Variants in FAT3 observed in about 807,000 individuals in gnomAD.
FAT3 encodes the protein FAT atypical cadherin 3.
A neutral mutation model predicts 310.2 loss-of-function variants in FAT3; 95 were observed. The observed-to-expected ratio is 0.31, with a 90% CI of 0.26 to 0.36. The LOEUF (loss-of-function observed/expected upper bound fraction) is 0.36. FAT3 is among the 10% of genes least tolerant of loss of function. The pLI is 1.00. For synonymous variants in FAT3, 2,314 were observed against 2,192.9 expected (o/e 1.06, Z -1.54); for missense variants, 5,408 against 5,715.6 (o/e 0.95, Z 1.74).
intron 2 of FAT3, among the ~76,000 whole-genome samples, chr11:92,426,643 C>T (rs1950640692): frequency 6.6e-6 from 1 of 152,146 alleles, no homozygotes; most frequent in Admixed American, 6.5e-5. Context: ...ATCCTTTCCC[C>T]ATTGCTTGTT....
chr11:92,249,211 C>T (rs1006628232), intron 1 of FAT3, among the ~76,000 whole-genome samples: 2 of 152,066 alleles, frequency 1.3e-5, no homozygotes, highest in Non-Finnish European at 2.9e-5. Context: ...TGGAAACAGA[C>T]GTCATTACCT....
chr11:92,858,586 T>C (rs959653129), intron 20 of FAT3, among the ~76,000 whole-genome samples: 2 of 152,208 alleles, frequency 1.3e-5, no homozygotes, highest in African/African-American at 4.8e-5. Flanking sequence ...GCAATCGAGT[T>C]GGACAAAATT....
chr11:92,684,996 C>A (rs924948144), intron 3 of FAT3, among the ~76,000 whole-genome samples: 34 of 152,156 alleles, frequency 2.2e-4, no homozygotes, highest in Admixed American at 2.2e-3. Context: ...TCCTACAGGG[C>A]GCTTTGTCTT....
Position 92,651,288 on chromosome 11 carries a change from C to T in FAT3, c.3608-46096C>T, listed in dbSNP as rs567676585. On this transcript the variant is annotated intron_variant, in intron 3 of 27. Coordinates refer to ENST00000525166, the MANE Select transcript of FAT3 (RefSeq NM_001367949.2). ...AGAAGACAGGAATGTGTGCAGGTAA[C>T]GTGGAATTGTGAAGATGGCTGGGCT... Among the ~76,000 whole-genome samples the T allele has an allele frequency of 4.5e-4, 68 of 152,288 alleles. 1 individual carries two copies. In the Middle Eastern group the frequency reaches 0.01, roughly 23 times the overall value.
chr11:92,793,784 C>A (rs1360482509), intron 9 of FAT3, among the ~76,000 whole-genome samples: 2 of 152,064 alleles, frequency 1.3e-5, no homozygotes. Context: ...TGAATAATGC[C>A]AAATGCAATA....
chr11:92,498,256 GT>G, intron 2 of FAT3: 1 of 214,970 alleles, frequency 4.7e-6, no homozygotes, highest in Non-Finnish European at 9.9e-6. Context: ...AGCTCCATGA[GT>G]TTTCCCAATT....
At chr11:92,256,001 C>G (rs1865301280) in intron 1 of FAT3, among the ~76,000 whole-genome samples, 1 of 152,152 alleles carries the variant, frequency 6.6e-6, no homozygotes, top group Non-Finnish European at 1.5e-5. Flanking sequence ...GAGTGTTGCA[C>G]TCTGCTGTAA....
intron 1 of FAT3, among the ~76,000 whole-genome samples, chr11:92,321,570 A>G (rs139934910): frequency 6.6e-6 from 1 of 152,184 alleles, no homozygotes; most frequent in Non-Finnish European, 1.5e-5. Flanking sequence ...CTGAAAACAG[A>G]TCACTTTCCT....
At chr11:92,656,888 T>G (rs1483872255) in intron 3 of FAT3, among the ~76,000 whole-genome samples, 1 of 152,174 alleles carries the variant, frequency 6.6e-6, no homozygotes, top group Non-Finnish European at 1.5e-5. Context: ...CTTTACCACT[T>G]TCTCCTCTGC....
chr11:92,509,200 C>G (rs1275120582), intron 2 of FAT3, among the ~76,000 whole-genome samples: 1 of 151,980 alleles, frequency 6.6e-6, no homozygotes, highest in Non-Finnish European at 1.5e-5. Flanking sequence ...TGTGTTTTTT[C>G]CCAACAAATA....
chr11:92,349,074 G>T (rs528443487), intron 1 of FAT3, among the ~76,000 whole-genome samples: 1 of 152,236 alleles, frequency 6.6e-6, no homozygotes, highest in Non-Finnish European at 1.5e-5. Context: ...TTTTCATGGG[G>T]GAAGTTTTCC....
At chr11:92,812,557 G>T (rs1947705787) in intron 13 of FAT3, among the ~76,000 whole-genome samples, 1 of 151,170 alleles carries the variant, frequency 6.6e-6, no homozygotes, top group East Asian at 1.9e-4. Context: ...ACTCCAGCCT[G>T]GGCAACAGAG....
At chr11:92,853,254 C>T (rs1441670994) in intron 19 of FAT3, among the ~76,000 whole-genome samples, 1 of 152,244 alleles carries the variant, frequency 6.6e-6, no homozygotes, top group Non-Finnish European at 1.5e-5. Flanking sequence ...CTCCAGGCGC[C>T]AGCTCAGGTA....
intron 3 of FAT3, among the ~76,000 whole-genome samples, chr11:92,628,735 A>T (rs1217003366): frequency 2.0e-5 from 3 of 152,152 alleles, no homozygotes; most frequent in African/African-American, 7.2e-5. Flanking sequence ...TATCCTTCCC[A>T]TTTAGCCCCA....
chr11:92,683,923 TC>T (rs1490548713), intron 3 of FAT3, among the ~76,000 whole-genome samples: 2 of 152,210 alleles, frequency 1.3e-5, no homozygotes, highest in African/African-American at 4.8e-5. Flanking sequence ...AATTAAATAA[TC>T]TTGTTGAGTG....
At chr11:92,449,382 T>G (rs1951296879) in intron 2 of FAT3, among the ~76,000 whole-genome samples, 3 of 152,118 alleles carry the variant, frequency 2.0e-5, no homozygotes. Flanking sequence ...CCAAGCAGCA[T>G]CTGAGCTCTG....
rs1348242774 is a variant in FAT3 at position 92,731,484 on chromosome 11, C to A, written c.3670-30372C>A. Among the ~76,000 whole-genome samples the A allele has an allele frequency of 2.6e-5, 4 of 152,130 alleles. No individual in the cohort carries two copies. The East Asian group carries it at 7.7e-4, about 29-fold the overall frequency. On this transcript the variant is annotated intron_variant, in intron 4 of 27. Coordinates refer to ENST00000525166, the MANE Select transcript of FAT3 (RefSeq NM_001367949.2). ...TTCAATTCCATCTTATAGATGTTCA[C>A]CTCCCCCAGAATACCACAGAGATAC...
chr11:92,459,371 G>A (rs76653680), intron 2 of FAT3, among the ~76,000 whole-genome samples: 3,215 of 152,224 alleles, frequency 0.021, 123 homozygotes, highest in African/African-American at 0.073. Context: ...ACAGAGTGGT[G>A]GAAAGAGTGA....
chr11:92,743,190 A>G (rs1261584363), intron 4 of FAT3, among the ~76,000 whole-genome samples: 1 of 152,170 alleles, frequency 6.6e-6, no homozygotes, highest in Non-Finnish European at 1.5e-5. Context: ...AAGCTCCAAG[A>G]GGGGTTTATA....
Sources: allele counts gnomAD v4.1 joint callset (sites outside exome capture counted in the v4.1 genomes callset), GRCh38; gene constraint gnomAD v4.1.1; transcripts MANE v1.5; gene names NCBI Gene and HGNC (gene_info 2026-07-23, HGNC 2026-07-21).